The following SLC41A2 variants were observed in gnomAD, a reference collection of about 807,000 sequenced individuals.
The protein encoded by SLC41A2 is SLC41A1-like 1.
In SLC41A2, 32 loss-of-function variants were observed where a neutral mutation model predicts 58.3. The ratio of observed to expected loss-of-function variants is 0.55; its 90% CI spans 0.41 to 0.74. The LOEUF is 0.74. Ranked by LOEUF, SLC41A2 falls within the 30% of genes least tolerant of loss-of-function variation. The pLI is 0.00. For synonymous variants in SLC41A2, 190 were observed against 235.0 expected (o/e 0.81, Z 1.75); for missense variants, 514 against 680.6 (o/e 0.76, Z 2.72).
intron 6 of SLC41A2, among the ~76,000 whole-genome samples, chr12:104,878,446 A>G (rs893472424): frequency 2.0e-5 from 3 of 151,744 alleles, no homozygotes; most frequent in South Asian, 4.2e-4. Context: ...ATTTCTCCCA[A>G]TGCTATCCCT....
chr12:104,930,656 G>A (rs1386662268), intron 1 of SLC41A2, among the ~76,000 whole-genome samples: 2 of 152,116 alleles, frequency 1.3e-5, no homozygotes, highest in Non-Finnish European at 2.9e-5. Flanking sequence ...GAGAAATGTA[G>A]GTAAACAAGA....
chr12:104,842,384 A>G (rs2042445205), intron 10 of SLC41A2, among the ~76,000 whole-genome samples: 1 of 152,124 alleles, frequency 6.6e-6, no homozygotes, highest in African/African-American at 2.4e-5. Context: ...TGGGGGAAAA[A>G]TGAAAAGCAA....
intron 4 of SLC41A2, among the ~76,000 whole-genome samples, chr12:104,892,368 A>C (rs368999024): frequency 6.6e-6 from 1 of 151,930 alleles, no homozygotes; most frequent in East Asian, 1.9e-4. Flanking sequence ...GGACACCAAA[A>C]AGTGTAAAGA....
chr12:104,904,783 C>T (rs1265386774), intron 3 of SLC41A2, among the ~76,000 whole-genome samples: 1 of 151,846 alleles, frequency 6.6e-6, no homozygotes, highest in African/African-American at 2.4e-5. Flanking sequence ...CTGGTGGGCT[C>T]GTGGTCTCGC....
intron 2 of SLC41A2, among the ~76,000 whole-genome samples, chr12:104,917,878 T>C (rs1433395291): frequency 2.7e-5 from 4 of 146,738 alleles, no homozygotes; most frequent in Non-Finnish European, 4.5e-5. Flanking sequence ...TGCTAAATGA[T>C]GAGTTAATGG....
chr12:104,826,795 C>G (rs530051742), intron 10 of SLC41A2, among the ~76,000 whole-genome samples: 247 of 152,306 alleles, frequency 1.6e-3, no homozygotes, highest in African/African-American at 5.7e-3. Flanking sequence ...TATTTGAACT[C>G]TCCTGGAGAG....
At chr12:104,919,057 A>G (rs1346833914) in intron 2 of SLC41A2, among the ~76,000 whole-genome samples, 1 of 152,206 alleles carries the variant, frequency 6.6e-6, no homozygotes, top group Admixed American at 6.5e-5. Context: ...CTCCACTTCT[A>G]TAATTTTATC....
intron 8 of SLC41A2, among the ~76,000 whole-genome samples, chr12:104,859,578 G>A (rs1448465021): frequency 2.0e-5 from 3 of 152,122 alleles, no homozygotes; most frequent in African/African-American, 7.2e-5. Context: ...GTGACGGGGA[G>A]AATGGTGGCA....
At chr12:104,913,595 C>T (rs1055103924) in intron 2 of SLC41A2, among the ~76,000 whole-genome samples, 1 of 152,148 alleles carries the variant, frequency 6.6e-6, no homozygotes, top group Non-Finnish European at 1.5e-5. Context: ...ATATTAAATA[C>T]GTACATTTGG....
intron 1 of SLC41A2, among the ~76,000 whole-genome samples, chr12:104,952,903 A>G (rs1024745080): frequency 2.0e-5 from 3 of 151,774 alleles, no homozygotes; most frequent in African/African-American, 7.3e-5. Flanking sequence ...TTAAGATCTC[A>G]GCTCTTTAAC....
intron 4 of SLC41A2, among the ~76,000 whole-genome samples, chr12:104,890,432 T>C (rs1187811184): frequency 6.6e-6 from 1 of 152,180 alleles, no homozygotes; most frequent in African/African-American, 2.4e-5. Flanking sequence ...TAATTTATAA[T>C]ATAAATTCTA....
chr12:104,868,831 T>C (rs1340414294), intron 6 of SLC41A2, among the ~76,000 whole-genome samples: 1 of 152,194 alleles, frequency 6.6e-6, no homozygotes, highest in East Asian at 1.9e-4. Context: ...AAATGATGCA[T>C]GTGACAACGT....
chr12:104,876,718 T>A (rs562413350), intron 6 of SLC41A2, among the ~76,000 whole-genome samples: 2 of 152,206 alleles, frequency 1.3e-5, no homozygotes, highest in African/African-American at 4.8e-5. Context: ...TCCTGGATAA[T>A]GTTCCACGTG....
rs1593208536 is a variant in SLC41A2, at chr12:104,958,184, A to T, written c.-264T>A. On this transcript the variant is annotated 5_prime_UTR_variant, in exon 1 of 11. An upstream start codon of the reference 5' UTR is lost. Coordinates refer to ENST00000258538, the MANE Select transcript of SLC41A2 (RefSeq NM_001352171.3). Reference sequence around the variant, plus strand: ...ACCAGGGGCGGGGGATGGAAGGGGCATTCACCTGGTGCCCGGCACCGGTGG... The same window carrying T: ...ACCAGGGGCGGGGGATGGAAGGGGCTTTCACCTGGTGCCCGGCACCGGTGG... 6.6e-6 allele frequency: 1 copy of T among 151,788 alleles called. No individual in the cohort carries two copies. Among genetic ancestry groups the T allele is most frequent in the African/African-American group, 2.4e-5 (1 of 41,374 alleles). 9.4% of individuals were successfully genotyped at this position (151,788 alleles called of 1,614,324 possible).
At chr12:104,944,204 C>G (rs1191428885) in intron 1 of SLC41A2, among the ~76,000 whole-genome samples, 1 of 152,178 alleles carries the variant, frequency 6.6e-6, no homozygotes, top group East Asian at 1.9e-4. Flanking sequence ...TCTCTTTCCC[C>G]TATCCCCAGA....
intron 6 of SLC41A2, among the ~76,000 whole-genome samples, chr12:104,877,836 T>C (rs2044129433): frequency 2.0e-5 from 3 of 151,932 alleles, no homozygotes; most frequent in South Asian, 4.1e-4. Flanking sequence ...CCGTCTCTAC[T>C]AAAAATACAA....
chr12:104,927,123 A>G (rs1181615154), intron 2 of SLC41A2, among the ~76,000 whole-genome samples: 1 of 152,188 alleles, frequency 6.6e-6, no homozygotes, highest in African/African-American at 2.4e-5. Flanking sequence ...AAGTACTTCT[A>G]TTTTGACAGT....
intron 1 of SLC41A2, among the ~76,000 whole-genome samples, chr12:104,933,570 A>G (rs1486219794): frequency 6.7e-6 from 1 of 149,466 alleles, no homozygotes; most frequent in Non-Finnish European, 1.5e-5. Context: ...TCAAAAAGAC[A>G]CTTGCACGCG....
intron 6 of SLC41A2, among the ~76,000 whole-genome samples, chr12:104,882,909 A>T (rs1311474100): frequency 6.6e-6 from 1 of 152,156 alleles, no homozygotes; most frequent in East Asian, 1.9e-4. Context: ...TATCCTGAAG[A>T]GTGTTTTCCA....
Sources: allele counts gnomAD v4.1 joint callset (sites outside exome capture counted in the v4.1 genomes callset), GRCh38; gene constraint gnomAD v4.1.1; transcripts MANE v1.5; gene names NCBI Gene and HGNC (gene_info 2026-07-23, HGNC 2026-07-21).